The following CCDC73 variants were observed in gnomAD, a reference collection of about 807,000 sequenced individuals.
The protein encoded by CCDC73 is coiled-coil domain-containing protein 73.
In CCDC73, 95 loss-of-function variants were observed where a neutral mutation model predicts 116.5. That is an observed-to-expected ratio of 0.82 (90% CI 0.69 to 0.97). The LOEUF (loss-of-function observed/expected upper bound fraction) is 0.97. Ranked by LOEUF, CCDC73 falls within the 50% of genes least tolerant of loss-of-function variation. The probability of loss-of-function intolerance (pLI) is 0.00; values close to 1 mark genes in which losing one functional copy is unlikely to be tolerated. For synonymous variants in CCDC73, 398 were observed against 401.3 expected (o/e 0.99, Z 0.10); for missense variants, 1,066 against 1,206.8 (o/e 0.88, Z 1.73).
intron 2 of CCDC73, among the ~76,000 whole-genome samples, chr11:32,729,687 T>C (rs1156956732): frequency 6.6e-6 from 1 of 152,200 alleles, no homozygotes; most frequent in Non-Finnish European, 1.5e-5. Context: ...TGCCAGCATC[T>C]GTTGTTTTTT....
Position 32,614,920 on chromosome 11 carries a change from G to A in CCDC73, c.1398C>T (p.Ser466=). Residue 466 remains serine, a synonymous_variant, in exon 16 of 18, where the codon AGC becomes AGT. Coordinates refer to ENST00000335185, the MANE Select transcript of CCDC73 (RefSeq NM_001008391.4). The part of the protein sequence containing the change: ...IIDDLQLFEK[S]FKNEIDTVVS... Reference sequence around the variant, plus strand: ...CAACAGTATCAATTTCATTCTTGAAGCTTTTTTCAAAAAGCTGTAAATCTG... The same window carrying A: ...CAACAGTATCAATTTCATTCTTGAAACTTTTTTCAAAAAGCTGTAAATCTG... 6.2e-7 allele frequency: 1 copy of A among 1,600,788 alleles called. No individual in the cohort carries two copies. Among genetic ancestry groups the A allele is most frequent in the South Asian group, 1.1e-5 (1 of 89,500 alleles).
chr11:32,605,857 C>G (rs1266393937), intron 17 of CCDC73: 1 of 152,190 alleles, frequency 6.6e-6, no homozygotes, highest in Non-Finnish European at 1.5e-5. Flanking sequence ...CGTCTCCTAT[C>G]CTTTTTAGAA....
At chr11:32,830,100 C>T in the CCDC73 span, 1 of 991,412 alleles carries the variant, frequency 1.0e-6, no homozygotes, top group Non-Finnish European at 1.2e-6. Context: ...GACCGAGGGC[C>T]TGGCGGCCGA....
chr11:32,739,104 G>C (rs746573857), intron 2 of CCDC73, among the ~76,000 whole-genome samples: 1 of 152,126 alleles, frequency 6.6e-6, no homozygotes, highest in Non-Finnish European at 1.5e-5. Flanking sequence ...TAGTTCTGTA[G>C]TATAATTTGA....
chr11:32,755,836 T>A (rs1344355908), intron 2 of CCDC73, among the ~76,000 whole-genome samples: 92 of 135,574 alleles, frequency 6.8e-4, no homozygotes, highest in Non-Finnish European at 5.5e-4. Flanking sequence ...TGTGTGTATA[T>A]ATCTCCATAT....
intron 1 of CCDC73, among the ~76,000 whole-genome samples, chr11:32,766,008 A>G: frequency 6.6e-6 from 1 of 152,242 alleles, no homozygotes; most frequent in Non-Finnish European, 1.5e-5. Context: ...CAACAAAAAA[A>G]GAGAATTTTA....
chr11:32,761,774 C>T (rs1850394569), intron 1 of CCDC73, among the ~76,000 whole-genome samples: 1 of 152,118 alleles, frequency 6.6e-6, no homozygotes, highest in African/African-American at 2.4e-5. Context: ...TACACACACA[C>T]ACGCAGAGAG....
At chr11:32,720,489 G>T (rs967365477) in intron 2 of CCDC73, among the ~76,000 whole-genome samples, 1 of 151,970 alleles carries the variant, frequency 6.6e-6, no homozygotes, top group Non-Finnish European at 1.5e-5. Flanking sequence ...TATTCTCATC[G>T]CTCTTATTAA....
intron 2 of CCDC73, among the ~76,000 whole-genome samples, chr11:32,727,751 T>C (rs1416865719): frequency 2.0e-5 from 3 of 152,030 alleles, no homozygotes; most frequent in Non-Finnish European, 4.4e-5. Flanking sequence ...TTTGTATTTT[T>C]AGTAGAGATG....
intron 7 of CCDC73, chr11:32,682,809 C>A (rs1268969372): frequency 6.6e-6 from 1 of 151,866 alleles, no homozygotes; most frequent in Non-Finnish European, 1.5e-5. Flanking sequence ...TAGTTTTTAA[C>A]AGACTATAAA....
At chr11:32,819,207 C>A in the CCDC73 span, among the ~76,000 whole-genome samples, 1 of 149,916 alleles carries the variant, frequency 6.7e-6, no homozygotes, top group African/African-American at 2.5e-5. Context: ...GTCTTAAATG[C>A]AAAGAGGAAA....
intron 1 of CCDC73, among the ~76,000 whole-genome samples, chr11:32,768,838 C>T (rs1230507337): frequency 6.6e-6 from 1 of 152,010 alleles, no homozygotes; most frequent in Non-Finnish European, 1.5e-5. Context: ...GAGTGAGACT[C>T]CATCTCAAAA....
chr11:32,765,393 A>AC (rs1554969529), intron 1 of CCDC73, among the ~76,000 whole-genome samples: 2 of 151,702 alleles, frequency 1.3e-5, no homozygotes, highest in Non-Finnish European at 2.9e-5. Context: ...AATGTAAAAG[A>AC]ACAAATTATA....
intron 11 of CCDC73, 49 bp from the exon 12 acceptor site, chr11:32,653,276 GT>G (rs1346965868): frequency 5.1e-6 from 6 of 1,186,866 alleles, no homozygotes; most frequent in Non-Finnish European, 7.4e-6. Context: ...AGATAGGTAT[GT>G]TTCTAAAATC....
Position 32,613,457 on chromosome 11 carries a change from A to C in CCDC73, c.2861T>G (p.Ile954Ser). The C allele has an allele frequency of 1.2e-6, 2 of 1,613,776 alleles. No homozygotes were observed. Among genetic ancestry groups the C allele is most frequent in the Non-Finnish European group, 1.7e-6 (2 of 1,179,794 alleles). The change falls in exon 16 of 18, where the codon ATT becomes AGT. Residue 954 changes from isoleucine to serine, a missense_variant. By Grantham distance (142) the Ile-to-Ser change is moderately radical (BLOSUM62 -2). Transcript: ENST00000335185. Reference protein sequence around the residue: ...KIISMALCKNIGVDDVGKDIG... With the variant: ...KIISMALCKNSGVDDVGKDIG... ...ATCCTTTCCAACATCATCCACACCA[A>C]TATTTTTACAAAGAGCCATTGAAAT...
At chr11:32,669,017 C>T (rs1162681698) in intron 9 of CCDC73, among the ~76,000 whole-genome samples, 1 of 152,076 alleles carries the variant, frequency 6.6e-6, no homozygotes, top group African/African-American at 2.4e-5. Flanking sequence ...TTTGACTTAA[C>T]TTATTGAACA....
intron 1 of CCDC73, among the ~76,000 whole-genome samples, chr11:32,761,481 T>C (rs1268278245): frequency 1.3e-5 from 2 of 152,184 alleles, no homozygotes; most frequent in Non-Finnish European, 2.9e-5. Context: ...TGAGTGAATA[T>C]TGAGTCCATT....
At chr11:32,604,609 CCTGTT>C (rs1243864605) in intron 17 of CCDC73, 2 of 152,108 alleles carry the variant, frequency 1.3e-5, no homozygotes, top group African/African-American at 4.8e-5. Flanking sequence ...AGCATTTCCT[CCTGTT>C]CTTAAGTCTG....
chr11:32,661,522 T>C (rs904212770), intron 9 of CCDC73, among the ~76,000 whole-genome samples: 7 of 145,828 alleles, frequency 4.8e-5, no homozygotes, highest in Admixed American at 3.4e-4. Context: ...CATTGTTCAA[T>C]TCCCACCTGA....
Sources: allele counts gnomAD v4.1 joint callset (sites outside exome capture counted in the v4.1 genomes callset), GRCh38; gene constraint gnomAD v4.1.1; transcripts MANE v1.5; gene names NCBI Gene and HGNC (gene_info 2026-07-23, HGNC 2026-07-21).